The following ADAM22 variants were observed in gnomAD, a reference collection of about 807,000 sequenced individuals.
ADAM22 encodes disintegrin and metalloproteinase domain-containing protein 22.
Under a neutral mutation model 144.6 loss-of-function variants are expected in ADAM22, and 65 were observed. The ratio of observed to expected loss-of-function variants is 0.45; its 90% CI spans 0.37 to 0.55. The LOEUF is 0.55. ADAM22 is among the 20% of genes least tolerant of loss of function. The pLI is 0.00. For synonymous variants in ADAM22, 391 were observed against 412.6 expected (o/e 0.95, Z 0.63); for missense variants, 974 against 1,184.9 (o/e 0.82, Z 2.61).
chr7:88,017,832 C>G (rs1301228341), intron 3 of ADAM22, among the ~76,000 whole-genome samples: 1 of 146,362 alleles, frequency 6.8e-6, no homozygotes, highest in Admixed American at 6.7e-5. Context: ...TGTATAAATA[C>G]ATACATATAT....
At chr7:87,966,228 T>A (rs1026380205) in intron 2 of ADAM22, among the ~76,000 whole-genome samples, 1 of 152,166 alleles carries the variant, frequency 6.6e-6, no homozygotes, top group Non-Finnish European at 1.5e-5. Flanking sequence ...CAGGGCTGAT[T>A]TGTCGGAGGG....
rs1056184065 is a variant in ADAM22, at chr7:88,202,650, A to C, written c.*6159A>C. The C allele has an allele frequency of 3.3e-5, 5 of 152,230 alleles. No homozygotes were observed. The highest frequency in any genetic ancestry group is 3.3e-4 in the Admixed American group (5 of 15,286). The allele number at this position is 152,230 out of a possible 1,614,324, so 9.4% of individuals were successfully genotyped here. ...AAACACCAATGGAAATGTATATGGC[A>C]ACTGCTTTCCTGAGCAAGTGTGATT... On this transcript the variant is annotated 3_prime_UTR_variant, in exon 32 of 32. Transcript: ENST00000413139.
chr7:88,129,921 T>C (rs1831335664), intron 9 of ADAM22, among the ~76,000 whole-genome samples: 1 of 152,158 alleles, frequency 6.6e-6, no homozygotes, highest in Non-Finnish European at 1.5e-5. Context: ...GCCACCTCGT[T>C]GTGACCTTTA....
intron 14 of ADAM22, among the ~76,000 whole-genome samples, chr7:88,139,847 A>C (rs1234598814): frequency 6.6e-6 from 1 of 152,138 alleles, no homozygotes; most frequent in Non-Finnish European, 1.5e-5. Context: ...GCCAGAGCTC[A>C]ATCTGATTGG....
intron 3 of ADAM22, among the ~76,000 whole-genome samples, chr7:88,012,210 A>C (rs1795603035): frequency 6.6e-6 from 1 of 152,070 alleles, no homozygotes; most frequent in African/African-American, 2.4e-5. Context: ...ATTCTTTCTT[A>C]GAATTTTTCT....
chr7:87,945,855 AAACCTTAACATCAT>A (rs1213144188), intron 2 of ADAM22, among the ~76,000 whole-genome samples: 1 of 152,136 alleles, frequency 6.6e-6, no homozygotes, highest in Non-Finnish European at 1.5e-5. Flanking sequence ...ACTTTGGTAG[AAACCTTAACATCAT>A]CAAAGATGAT....
At chr7:88,109,727 GA>G (rs1825504920) in intron 5 of ADAM22, among the ~76,000 whole-genome samples, 1 of 146,702 alleles carries the variant, frequency 6.8e-6, no homozygotes, top group Admixed American at 6.8e-5. Context: ...TTGAGAGAGA[GA>G]GAGGAAAAAA....
In ADAM22 at chr7:88,131,362, A is replaced by G; in HGVS notation, c.919A>G (p.Ile307Val). The G allele has an allele frequency of 6.2e-7, 1 of 1,613,874 alleles. No individual in the cohort carries two copies. Among genetic ancestry groups the G allele is most frequent in the Non-Finnish European group, 8.5e-7 (1 of 1,179,882 alleles). ...NKFAISENPL[I>V]TLREFMKYRR... ...GTTTGCCATATCTGAAAATCCATTG[A>G]TCACCCTACGTGAGTTTATGAAATA... Residue 307 changes from isoleucine (I) to valine (V), a missense_variant, in exon 11 of 32, where the codon ATC becomes GTC. This residue lies in a region of ADAM22 where 734 missense variants were observed against 950.6 expected (regional missense o/e 0.77). Transcript: ENST00000413139.
At chr7:87,958,015 T>G (rs1444208275) in intron 2 of ADAM22, among the ~76,000 whole-genome samples, 1 of 152,258 alleles carries the variant, frequency 6.6e-6, no homozygotes, top group East Asian at 1.9e-4. Flanking sequence ...TGATCTCTTA[T>G]GATGATATAG....
At chr7:87,953,440 A>C (rs1277873441) in intron 2 of ADAM22, among the ~76,000 whole-genome samples, 41 of 149,274 alleles carry the variant, frequency 2.7e-4, no homozygotes, top group Admixed American at 4.0e-4. Flanking sequence ...GTTTCCATGT[A>C]GTTGAGCGGT....
intron 5 of ADAM22, among the ~76,000 whole-genome samples, chr7:88,113,729 T>TA (rs1338335250): frequency 1.6e-5 from 2 of 124,754 alleles, no homozygotes; most frequent in Non-Finnish European, 3.3e-5. Flanking sequence ...TATATATATA[T>TA]ATATATATAT....
At chr7:88,037,031 A>G (rs1015428956) in intron 3 of ADAM22, among the ~76,000 whole-genome samples, 6 of 152,104 alleles carry the variant, frequency 3.9e-5, no homozygotes, top group Admixed American at 6.5e-5. Context: ...ATATTTGCTG[A>G]TGTTCCATAA....
intron 1 of ADAM22, 26 bp downstream of exon 1, chr7:87,934,576 T>C: frequency 6.3e-7 from 1 of 1,594,030 alleles, no homozygotes; most frequent in Non-Finnish European, 8.5e-7. Context: ...TCTGTGCCTT[T>C]GGGCCATACC....
chr7:88,021,085 G>T lies in ADAM22; in HGVS notation c.323+42673G>T, dbSNP rs10231530. Reference sequence around the variant, plus strand: ...ACTAATTTTTCTCCTCTTATCTTCTGTCCTGCCTTCCATCATCCAGTCTTA... The same window carrying T: ...ACTAATTTTTCTCCTCTTATCTTCTTTCCTGCCTTCCATCATCCAGTCTTA... On this transcript the variant is annotated intron_variant, in intron 3 of 31. Coordinates refer to ENST00000413139, the MANE Select transcript of ADAM22 (RefSeq NM_001324418.2). Among the ~76,000 whole-genome samples, 326 of 152,260 alleles carry T rather than the reference G, an allele frequency of 2.1e-3. 3 individuals carry two copies. The highest frequency in any genetic ancestry group is 7.4e-3 in the African/African-American group (308 of 41,540).
intron 3 of ADAM22, among the ~76,000 whole-genome samples, chr7:87,981,769 C>G (rs1412127457): frequency 1.3e-5 from 2 of 151,972 alleles, no homozygotes; most frequent in Non-Finnish European, 2.9e-5. Context: ...TGAAAGTTAA[C>G]TCTGGAAGAG....
intron 4 of ADAM22, among the ~76,000 whole-genome samples, chr7:88,086,086 G>A (rs1818382388): frequency 6.6e-6 from 1 of 152,206 alleles, no homozygotes. Flanking sequence ...TGAGGCAGGA[G>A]AATCGCTTGA....
chr7:88,014,407 G>T (rs1466241417), intron 3 of ADAM22, among the ~76,000 whole-genome samples: 1 of 152,066 alleles, frequency 6.6e-6, no homozygotes, highest in Non-Finnish European at 1.5e-5. Context: ...AAATCTGAAA[G>T]GTAGGTGAGG....
At chr7:88,155,791 T>C (rs2129527630) in intron 21 of ADAM22, 96 bp from the exon 22 acceptor site, 1 of 1,453,446 alleles carries the variant, frequency 6.9e-7, no homozygotes, top group South Asian at 1.4e-5. Context: ...ATATACTTGA[T>C]GAAAACCAAA....
intron 3 of ADAM22, among the ~76,000 whole-genome samples, chr7:88,017,385 A>G (rs1168179394): frequency 6.6e-6 from 1 of 152,196 alleles, no homozygotes; most frequent in African/African-American, 2.4e-5. Flanking sequence ...CATCCCATAA[A>G]TATGTATAAT....
Sources: allele counts gnomAD v4.1 joint callset (sites outside exome capture counted in the v4.1 genomes callset), GRCh38; gene constraint gnomAD v4.1.1; regional missense constraint gnomAD v4.1.1; transcripts MANE v1.5; gene names NCBI Gene and HGNC (gene_info 2026-07-23, HGNC 2026-07-21).